PRELID2: variants seen among roughly 807,000 people sequenced by gnomAD.
The protein encoded by PRELID2 is PRELI domain-containing protein 2.
A neutral mutation model predicts 28.4 loss-of-function variants in PRELID2; 25 were observed. That is an observed-to-expected ratio of 0.88 (90% CI 0.64 to 1.23). The LOEUF (loss-of-function observed/expected upper bound fraction) is 1.23, where lower values mean the gene tolerates loss of function less well. Ranked by LOEUF, PRELID2 falls within the 50% of genes most tolerant of loss-of-function variation. PRELID2 has a pLI of 0.00. For missense variants in PRELID2, 201 were observed against 214.4 expected, an observed-to-expected ratio of 0.94 and a Z score of 0.39; for synonymous variants, 76 against 71.6, an observed-to-expected ratio of 1.06 and a Z score of -0.31.
chr5:145,817,598 G>A (rs2149859754), intron 4 of PRELID2, among the ~76,000 whole-genome samples: 1 of 151,422 alleles, frequency 6.6e-6, no homozygotes, highest in Admixed American at 6.6e-5. Flanking sequence ...AGGATCTAAA[G>A]GTATCTCTTT....
chr5:145,521,628 C>T (rs1441801923), intron 1 of PRELID2, among the ~76,000 whole-genome samples: 2 of 151,990 alleles, frequency 1.3e-5, no homozygotes, highest in Admixed American at 6.6e-5. Context: ...ACCAAGGTTG[C>T]CAGATCTGCC....
chr5:145,571,965 G>C (rs1753018414), intron 1 of PRELID2, among the ~76,000 whole-genome samples: 2 of 148,872 alleles, frequency 1.3e-5, no homozygotes, highest in South Asian at 4.2e-4. Flanking sequence ...CTGGGCAACA[G>C]AGTGAGACTC....
chr5:145,325,112 T>C, the PRELID2 span, among the ~76,000 whole-genome samples: 1 of 10,464 alleles, frequency 9.6e-5, no homozygotes, highest in Non-Finnish European at 1.7e-4. Flanking sequence ...AATTAAAGTT[T>C]AATTTTAAAC....
intron 1 of PRELID2, among the ~76,000 whole-genome samples, chr5:145,647,369 C>G (rs10076919): frequency 0.031 from 4,658 of 152,188 alleles, 258 homozygotes; most frequent in African/African-American, 0.11. Flanking sequence ...GCACCTCCCC[C>G]CACCAACCTC....
intron 1 of PRELID2, among the ~76,000 whole-genome samples, chr5:145,741,969 A>T (rs1175873811): frequency 0.01 from 569 of 55,040 alleles, 3 homozygotes; most frequent in African/African-American, 0.015. Context: ...TAAATAAATA[A>T]ATTTATTTAA....
intron 1 of PRELID2, among the ~76,000 whole-genome samples, chr5:145,689,710 A>G (rs550633771): frequency 3.3e-5 from 5 of 152,276 alleles, no homozygotes; most frequent in Non-Finnish European, 7.4e-5. Flanking sequence ...GATGAAGCCC[A>G]CCCAACAGTC....
intron 1 of PRELID2, among the ~76,000 whole-genome samples, chr5:145,577,486 A>G (rs1004998128): frequency 9.2e-5 from 14 of 152,138 alleles, no homozygotes; most frequent in Admixed American, 9.2e-4. Flanking sequence ...GAGAAAATCA[A>G]TAGTAAAATA....
chr5:145,669,288 G>T (rs1207471056), intron 1 of PRELID2, among the ~76,000 whole-genome samples: 1 of 152,060 alleles, frequency 6.6e-6, no homozygotes, highest in Non-Finnish European at 1.5e-5. Flanking sequence ...AACAGTAATG[G>T]TCATTGCAAC....
At chr5:145,573,040 T>C (rs921132522) in intron 1 of PRELID2, among the ~76,000 whole-genome samples, 3 of 152,134 alleles carry the variant, frequency 2.0e-5, no homozygotes, top group African/African-American at 4.8e-5. Flanking sequence ...CCTTAGGCAA[T>C]AGGATATAGA....
the PRELID2 span, among the ~76,000 whole-genome samples, chr5:145,280,733 A>AC: frequency 6.6e-6 from 1 of 151,950 alleles, no homozygotes; most frequent in Non-Finnish European, 1.5e-5. Context: ...AAAAGAAAGA[A>AC]CAGAGATGTG....
chr5:145,428,532 C>G, the PRELID2 span, among the ~76,000 whole-genome samples: 1 of 151,976 alleles, frequency 6.6e-6, no homozygotes, highest in Non-Finnish European at 1.5e-5. Flanking sequence ...GCTGGAAGGG[C>G]TACGGAGAAG....
intron 1 of PRELID2, among the ~76,000 whole-genome samples, chr5:145,666,003 GA>G (rs1754584876): frequency 7.5e-6 from 1 of 133,886 alleles, no homozygotes. Flanking sequence ...AAAAAAAAAA[GA>G]AAGAAAGAAA....
At chr5:145,649,406 G>T (rs1423595321) in intron 1 of PRELID2, among the ~76,000 whole-genome samples, 1 of 152,066 alleles carries the variant, frequency 6.6e-6, no homozygotes, top group African/African-American at 2.4e-5. Flanking sequence ...AGATAATTTT[G>T]CCCAGCTGTA....
At chr5:145,372,663 T>C in the PRELID2 span, among the ~76,000 whole-genome samples, 158 of 151,706 alleles carry the variant, frequency 1.0e-3, 1 homozygote, top group African/African-American at 3.6e-3. Flanking sequence ...ACAATAGGAT[T>C]GCAACCCCTG....
chr5:145,538,265 A>G (rs1287255662), intron 1 of PRELID2, among the ~76,000 whole-genome samples: 1 of 151,820 alleles, frequency 6.6e-6, no homozygotes, highest in South Asian at 2.1e-4. Context: ...AGTATATTCT[A>G]AAGTCAATTC....
intron 1 of PRELID2, among the ~76,000 whole-genome samples, chr5:145,595,171 C>A (rs941678734): frequency 6.7e-6 from 1 of 149,404 alleles, no homozygotes. Flanking sequence ...GACACACACA[C>A]ACACACACAC....
the PRELID2 span, among the ~76,000 whole-genome samples, chr5:145,442,278 C>A: frequency 6.6e-6 from 1 of 152,002 alleles, no homozygotes; most frequent in Non-Finnish European, 1.5e-5. Context: ...TGTATGAGAG[C>A]AAGACTTATT....
intron 1 of PRELID2, among the ~76,000 whole-genome samples, chr5:145,665,148 T>G (rs946934308): frequency 1.3e-5 from 2 of 151,928 alleles, no homozygotes; most frequent in Non-Finnish European, 2.9e-5. Flanking sequence ...CTTCTACAAG[T>G]TAAAAAAAGA....
chr5:145,694,760 T>C (rs9324989), intron 1 of PRELID2, among the ~76,000 whole-genome samples: 3,579 of 151,294 alleles, frequency 0.024, 95 homozygotes, highest in African/African-American at 0.066. Context: ...CACGCTTTCA[T>C]ATTATGTAAC....
Sources: gnomAD v4.1 joint callset for allele counts (sites outside exome capture counted in the v4.1 genomes callset) on GRCh38, gnomAD v4.1.1 for gene constraint, MANE v1.5 for transcripts, NCBI Gene and HGNC (gene_info 2026-07-23, HGNC 2026-07-21) for gene names.